SEC14L1: variants seen among roughly 807,000 people sequenced by gnomAD.
SEC14L1 encodes SEC14 like lipid binding 1.
A neutral mutation model predicts 85.3 loss-of-function variants in SEC14L1; 48 were observed. The ratio of observed to expected loss-of-function variants is 0.56; its 90% confidence interval spans 0.45 to 0.72. The LOEUF (loss-of-function observed/expected upper bound fraction) is 0.72. Among genes scored for constraint, SEC14L1 ranks in the 30% least tolerant of loss-of-function variants. The pLI is 0.00. For missense variants in SEC14L1, 682 were observed against 921.4 expected (o/e 0.74, Z 3.36); for synonymous variants, 391 against 355.5 (o/e 1.10, Z -1.12).
chr17:77,183,361 G>GC (rs1975127457), intron 3 of SEC14L1, among the ~76,000 whole-genome samples: 1 of 152,226 alleles, frequency 6.6e-6, no homozygotes, highest in Non-Finnish European at 1.5e-5. Flanking sequence ...AAACACATGT[G>GC]CACATACATT....
intron 6 of SEC14L1, 101 bp from the exon 7 acceptor site, chr17:77,194,576 T>A: frequency 3.7e-6 from 3 of 816,024 alleles, no homozygotes; most frequent in Non-Finnish European, 5.9e-6. Context: ...ATTGTGAGGC[T>A]CACCATCTTC....
rs143400123 is a variant in SEC14L1, at chr17:77,181,765, C to T, written c.64-9038C>T. ...TCTCTAAATAAGCCATGTTCCTGTG[C>T]CTTCCACTTGTATATTCCTTAGAAT... On this transcript the variant is annotated intron_variant, in intron 3 of 16. Transcript: ENST00000436233. 4.5e-3 allele frequency among the ~76,000 whole-genome samples: 682 copies of T among 152,298 alleles called. 3 individuals carry two copies. Among genetic ancestry groups the T allele is most frequent in the Non-Finnish European group, 5.6e-3 (378 of 68,028 alleles).
intron 3 of SEC14L1, among the ~76,000 whole-genome samples, chr17:77,124,151 C>T (rs1358980439): frequency 6.6e-6 from 1 of 152,036 alleles, no homozygotes; most frequent in Non-Finnish European, 1.5e-5. Flanking sequence ...ATCACTTGAG[C>T]CCAGGAGTTC....
chr17:77,110,877 CAAAAAAAA>C (rs1212651345), intron 3 of SEC14L1, among the ~76,000 whole-genome samples: 1 of 46,652 alleles, frequency 2.1e-5, no homozygotes, highest in Non-Finnish European at 3.9e-5. Flanking sequence ...GACTCTGTCT[CAAAAAAAA>C]AAAAAAAAAA....
chr17:77,185,474 G>A, intron 3 of SEC14L1: 2 of 732,218 alleles, frequency 2.7e-6, no homozygotes, highest in Non-Finnish European at 1.7e-6. Context: ...AATTCAAGGT[G>A]AGGCTGCGTG....
chr17:77,206,266 A>G lies in SEC14L1; in HGVS notation c.1207A>G (p.Met403Val). ...CCTGGTGGACTTGGAAGGGCTGAAC[A>G]TGCGCCACTTGTGGAGACCTGGTGT... is the stretch of plus-strand genomic sequence containing the variant. ...TCLVDLEGLN[M>V]RHLWRPGVKA... The change falls in exon 12 of 17, where the codon ATG (methionine) becomes GTG (valine). Residue 403 changes from methionine to valine, a missense_variant. Met to Val is a conservative substitution (Grantham distance 21). Coordinates refer to ENST00000436233, the MANE Select transcript of SEC14L1 (RefSeq NM_001143998.2). The surrounding 1 kb of genome is among the most constrained non-coding windows in gnomAD (Gnocchi z 4.3). 2 of 1,614,166 alleles carry G rather than the reference A, an allele frequency of 1.2e-6. No individual in the cohort carries two copies. Among genetic ancestry groups the G allele is most frequent in the Non-Finnish European group, 1.7e-6 (2 of 1,180,020 alleles).
intron 3 of SEC14L1, among the ~76,000 whole-genome samples, chr17:77,118,780 C>T (rs1223113941): frequency 6.6e-6 from 1 of 152,198 alleles, no homozygotes; most frequent in African/African-American, 2.4e-5. Context: ...CAATCACCAT[C>T]GCCTCTTTAC....
chr17:77,160,118 C>T (rs1973996358), intron 3 of SEC14L1, among the ~76,000 whole-genome samples: 1 of 152,202 alleles, frequency 6.6e-6, no homozygotes, highest in East Asian at 1.9e-4. Flanking sequence ...TTAAAGCACT[C>T]CTATTGGCAG....
rs1394047943 is a variant in SEC14L1, at chr17:77,216,486, T to A, written c.*2463T>A. 1.4e-5 allele frequency: 22 copies of A among 1,612,486 alleles called. No individual in the cohort carries two copies. The highest frequency in any genetic ancestry group is 1.9e-5 in the Non-Finnish European group (22 of 1,179,064). On this transcript the variant is annotated 3_prime_UTR_variant, in exon 17 of 17. Coordinates refer to ENST00000436233, the MANE Select transcript of SEC14L1 (RefSeq NM_001143998.2). ...TGCTGCTTCCACCTGGTGCTTCCTGTTCCCAAATCACAAGGGCCTGAAGGT... is the reference window on the plus strand; with the variant it reads ...TGCTGCTTCCACCTGGTGCTTCCTGATCCCAAATCACAAGGGCCTGAAGGT...
chr17:77,127,629 C>T (rs897536919), intron 3 of SEC14L1, among the ~76,000 whole-genome samples: 7 of 152,120 alleles, frequency 4.6e-5, no homozygotes, highest in African/African-American at 9.7e-5. Flanking sequence ...GGATTACAGG[C>T]GTAAGCCACC....
upstream of SEC14L1, among the ~76,000 whole-genome samples, chr17:77,140,424 G>A (rs1461360318): frequency 1.3e-5 from 2 of 152,238 alleles, no homozygotes; most frequent in African/African-American, 2.4e-5. Flanking sequence ...CGGCGAGAAT[G>A]CGGTCGGGGC....
chr17:77,142,971 A>G (rs1973126892), intron 2 of SEC14L1, among the ~76,000 whole-genome samples: 1 of 152,260 alleles, frequency 6.6e-6, no homozygotes, highest in African/African-American at 2.4e-5. Context: ...CTGTTTAGCC[A>G]GAATACTTGG....
At chr17:77,209,589 C>A (rs1049501339) in intron 14 of SEC14L1, 113 bp downstream of exon 14, 1 of 1,166,568 alleles carries the variant, frequency 8.6e-7, no homozygotes, top group Non-Finnish European at 1.2e-6. Flanking sequence ...TTTTTCTGCT[C>A]TTTGTCTTTA....
chr17:77,122,375 C>T (rs927351247), intron 3 of SEC14L1, among the ~76,000 whole-genome samples: 3 of 151,690 alleles, frequency 2.0e-5, no homozygotes, highest in Non-Finnish European at 4.4e-5. Flanking sequence ...AATCTTGGCT[C>T]ACTGTAGCCT....
At chr17:77,094,264 T>TGCCTTG (rs1450928103) in intron 3 of SEC14L1, 1 of 151,242 alleles carries the variant, frequency 6.6e-6, no homozygotes, top group Non-Finnish European at 1.5e-5. Context: ...GTGATCCACC[T>TGCCTTG]GCCTTGGCCT....
Position 77,214,536 on chromosome 17 carries a change from C to T in SEC14L1, c.*513C>T, listed in dbSNP as rs1401273320. 3.0e-6 allele frequency: 3 copies of T among 994,206 alleles called. No homozygotes were observed. The highest frequency in any genetic ancestry group is 3.6e-6 in the Non-Finnish European group (3 of 834,824). The allele number at this position is 994,206 out of a possible 1,614,324, so 61.6% of individuals were successfully genotyped here. On this transcript the variant is annotated 3_prime_UTR_variant, in exon 17 of 17. Transcript: ENST00000436233. ...ATGGTCTGTGGACTTAGGGCCAGCC[C>T]TTGAGGTCCTTATCCTCTGAGGATT...
At position 77,214,186 on chromosome 17, in the gene SEC14L1, T is replaced by C. The variant is rs1012988086; in HGVS notation, c.*163T>C. ...GTAGTCGTTTGATCCCAAAACTACC[T>C]TGGCAGGTAGTTTTAACTCTGATCC... On this transcript the variant is annotated 3_prime_UTR_variant, in exon 17 of 17. Transcript: ENST00000436233. The C allele has an allele frequency of 2.1e-6, 3 of 1,415,276 alleles. No individual in the cohort carries two copies. Among genetic ancestry groups the C allele is most frequent in the Non-Finnish European group, 2.8e-6 (3 of 1,088,198 alleles). 87.7% of individuals were successfully genotyped at this position (1,415,276 alleles called of 1,614,324 possible).
intron 3 of SEC14L1, among the ~76,000 whole-genome samples, chr17:77,180,020 G>GTT (rs1236973262): frequency 1.3e-5 from 2 of 150,324 alleles, no homozygotes; most frequent in African/African-American, 4.9e-5. Context: ...GTTTTGTTTT[G>GTT]TTTTATTTTG....
Position 77,216,832 on chromosome 17 carries a change from T to G in SEC14L1, c.*2809T>G. 1 of 524,208 alleles carries G rather than the reference T, an allele frequency of 1.9e-6. No individual in the cohort carries two copies. 32.5% of individuals were successfully genotyped at this position (524,208 alleles called of 1,614,324 possible). A position where few individuals can be genotyped will look rare whatever the true frequency, so the allele number is the denominator to read the frequency against. On this transcript the variant is annotated 3_prime_UTR_variant, in exon 17 of 17. Coordinates refer to ENST00000436233, the MANE Select transcript of SEC14L1 (RefSeq NM_001143998.2). ...AAGGGAATTCTGGGGCAGCTATGGT[T>G]TGAGTATGCAGTTTGCATCGTGTTT...
Sources: allele counts gnomAD v4.1 joint callset (sites outside exome capture counted in the v4.1 genomes callset), GRCh38; gene constraint gnomAD v4.1.1; non-coding constraint Gnocchi (gnomAD v3.1); transcripts MANE v1.5; gene names NCBI Gene and HGNC (gene_info 2026-07-23, HGNC 2026-07-21).